The following LOC400499 variants were observed in gnomAD, a reference collection of about 807,000 sequenced individuals.
At chr16:11,434,111 G>A in the LOC400499 span, among the ~76,000 whole-genome samples, 1 of 152,136 alleles carries the variant, frequency 6.6e-6, no homozygotes, top group Non-Finnish European at 1.5e-5. Flanking sequence ...CCTCCAGGAA[G>A]CCCTCCCGAG....
At chr16:11,438,374 A>G in the LOC400499 span, among the ~76,000 whole-genome samples, 7 of 152,164 alleles carry the variant, frequency 4.6e-5, no homozygotes, top group Non-Finnish European at 7.4e-5. Flanking sequence ...GTGAAAGCTC[A>G]TGCCTCTAAG....
the LOC400499 span, among the ~76,000 whole-genome samples, chr16:11,492,434 G>A: frequency 6.6e-6 from 1 of 152,086 alleles, no homozygotes; most frequent in East Asian, 1.9e-4. Context: ...TCCACCTGAA[G>A]CTGGTATCCT....
the LOC400499 span, among the ~76,000 whole-genome samples, chr16:11,415,298 G>A: frequency 2.0e-5 from 3 of 152,172 alleles, no homozygotes; most frequent in African/African-American, 2.4e-5. Context: ...AACAGATGGC[G>A]CCGATTCTGT....
the LOC400499 span, among the ~76,000 whole-genome samples, chr16:11,479,201 G>A: frequency 6.6e-6 from 1 of 152,180 alleles, no homozygotes; most frequent in African/African-American, 2.4e-5. Context: ...CCTAGAGCAT[G>A]AACCAAATCC....
chr16:11,443,597 A>G, the LOC400499 span: 25 of 290,680 alleles, frequency 8.6e-5, no homozygotes, highest in East Asian at 2.5e-3. Flanking sequence ...CTCCTCCTAG[A>G]GGTGTCAGGA....
At chr16:11,387,033 G>T in the LOC400499 span, 1 of 1,118,908 alleles carries the variant, frequency 8.9e-7, no homozygotes, top group Non-Finnish European at 1.1e-6. Context: ...GATGCTACTA[G>T]CCTATGGAGG....
At chr16:11,436,914 GCCTGGTGCTT>G in the LOC400499 span, among the ~76,000 whole-genome samples, 4 of 152,054 alleles carry the variant, frequency 2.6e-5, no homozygotes, top group African/African-American at 9.7e-5. Flanking sequence ...TTAAAAGAAT[GCCTGGTGCTT>G]CCTTAGATGA....
the LOC400499 span, among the ~76,000 whole-genome samples, chr16:11,422,073 C>A: frequency 7.2e-5 from 11 of 152,350 alleles, no homozygotes; most frequent in African/African-American, 2.4e-4. Context: ...GAGTTTGCAA[C>A]CCCTGTACCC....
At chr16:11,438,963 C>T in the LOC400499 span, among the ~76,000 whole-genome samples, 3 of 152,054 alleles carry the variant, frequency 2.0e-5, no homozygotes, top group East Asian at 1.9e-4. Context: ...TAATGGTGTG[C>T]CCCATGTCTC....
chr16:11,377,388 CATT>C, the LOC400499 span, among the ~76,000 whole-genome samples: 1 of 152,184 alleles, frequency 6.6e-6, no homozygotes, highest in African/African-American at 2.4e-5. Flanking sequence ...AAGCAGGCAT[CATT>C]GTTTAATTCC....
At chr16:11,425,359 C>T in the LOC400499 span, 53 of 399,408 alleles carry the variant, frequency 1.3e-4, no homozygotes, top group East Asian at 4.3e-4. Context: ...ACGCTGGTGC[C>T]GTTCCCTGCC....
the LOC400499 span, among the ~76,000 whole-genome samples, chr16:11,465,830 T>C: frequency 1.7e-5 from 1 of 58,542 alleles, no homozygotes; most frequent in Admixed American, 2.1e-4. Context: ...TGGGGGAAAG[T>C]GGGGGAAAGA....
At chr16:11,519,413 T>C in the LOC400499 span, among the ~76,000 whole-genome samples, 5 of 151,820 alleles carry the variant, frequency 3.3e-5, no homozygotes, top group African/African-American at 1.2e-4. Context: ...AAATGGAAAA[T>C]ATCCTCCCTA....
At chr16:11,483,929 A>C in the LOC400499 span, among the ~76,000 whole-genome samples, 12 of 151,328 alleles carry the variant, frequency 7.9e-5, no homozygotes, top group African/African-American at 2.2e-4. Flanking sequence ...ATATGCAAAG[A>C]AGTCTATGGT....
chr16:11,413,388 G>A, the LOC400499 span, among the ~76,000 whole-genome samples: 1 of 152,166 alleles, frequency 6.6e-6, no homozygotes, highest in East Asian at 1.9e-4. Flanking sequence ...ACAGCAGAGT[G>A]GACTGGGGCA....
At chr16:11,446,580 CT>C in the LOC400499 span, 4 of 1,536,092 alleles carry the variant, frequency 2.6e-6, no homozygotes, top group East Asian at 9.8e-5. Flanking sequence ...CCAGGCACCC[CT>C]CTGTGTTCCT....
At chr16:11,466,512 C>G in the LOC400499 span, among the ~76,000 whole-genome samples, 3 of 152,102 alleles carry the variant, frequency 2.0e-5, no homozygotes, top group Non-Finnish European at 4.4e-5. Context: ...CCTCAGCCTC[C>G]CAAGTAGCTG....
the LOC400499 span, among the ~76,000 whole-genome samples, chr16:11,376,352 T>G: frequency 3.2e-5 from 4 of 123,850 alleles, no homozygotes; most frequent in Non-Finnish European, 7.7e-5. Flanking sequence ...ATTGAGGTTT[T>G]CTTTTTTTTT....
chr16:11,493,360 C>A, the LOC400499 span, among the ~76,000 whole-genome samples: 36,819 of 152,054 alleles, frequency 0.24, 4,696 homozygotes, highest in African/African-American at 0.32. Flanking sequence ...AAAAACAGAC[C>A]AAGGGCCAGG....
Sources: gnomAD v4.1 joint callset for allele counts (sites outside exome capture counted in the v4.1 genomes callset) on GRCh38, gnomAD v4.1.1 for gene constraint, MANE v1.5 for transcripts.